Variants in COL11A1 observed in about 807,000 individuals in gnomAD.
COL11A1 encodes the protein collagen type XI alpha 1 chain.
A neutral mutation model predicts 265.2 loss-of-function variants in COL11A1; 74 were observed. The observed-to-expected ratio is 0.28, with a 90% CI of 0.23 to 0.34. The LOEUF (loss-of-function observed/expected upper bound fraction) is 0.34. Ranked by LOEUF, COL11A1 falls within the 10% of genes least tolerant of loss-of-function variation. The pLI is 1.00. For missense variants in COL11A1, 2,165 were observed against 2,263.6 expected (o/e 0.96, Z 0.88); for synonymous variants, 816 against 727.6 (o/e 1.12, Z -1.96).
chr1:102,945,938 C>A (rs1447229815), intron 42 of COL11A1, among the ~76,000 whole-genome samples: 1 of 149,562 alleles, frequency 6.7e-6, no homozygotes, highest in Non-Finnish European at 1.5e-5. Context: ...AAATGTCCAA[C>A]AATGATAGAC....
intron 47 of COL11A1, among the ~76,000 whole-genome samples, chr1:102,922,975 T>C (rs981724547): frequency 5.9e-5 from 9 of 152,214 alleles, no homozygotes; most frequent in Non-Finnish European, 8.8e-5. Flanking sequence ...TAAACAATTA[T>C]ATGCATTTCA....
At position 103,002,455 on chromosome 1, in the gene COL11A1, T is replaced by C. The variant is rs767365383; in HGVS notation, c.2070A>G (p.Pro690=). The C allele has an allele frequency of 6.2e-7, 1 of 1,610,132 alleles. No individual in the cohort carries two copies. Among genetic ancestry groups the C allele is most frequent in the African/African-American group, 1.3e-5 (1 of 74,964 alleles). ...GAGGTCCTGGATTCCCTTGTTGACC[T>C]GGAGGCCCAGGCTCCCCTTGGGGAC... ...NMGPQGEPGP[P]GQQGNPGPQG... is the part of the protein sequence containing the mutation. The change falls in exon 23 of 67, where the codon CCA becomes CCG. Residue 690 remains proline, a synonymous_variant. Coordinates refer to ENST00000370096, the MANE Select transcript of COL11A1 (RefSeq NM_001854.4).
rs190625412 is a variant in COL11A1 at position 102,913,619 on chromosome 1, A to T, written c.4032+18T>A. ...AGACTATGTAAAAACTTAAAAATAAATTAGTGCATTTACTCACCGGTTGAC... is the reference window on the plus strand; with the variant it reads ...AGACTATGTAAAAACTTAAAAATAATTTAGTGCATTTACTCACCGGTTGAC... On this transcript the variant is annotated intron_variant, in intron 53 of 66. Transcript: ENST00000370096. The T allele has an allele frequency of 6.2e-7, 1 of 1,610,536 alleles. No homozygotes were observed. Among genetic ancestry groups the T allele is most frequent in the Admixed American group, 1.7e-5 (1 of 59,982 alleles).
At chr1:102,969,074 A>T (rs1381288011) in intron 37 of COL11A1, among the ~76,000 whole-genome samples, 1 of 152,080 alleles carries the variant, frequency 6.6e-6, no homozygotes, top group African/African-American at 2.4e-5. Flanking sequence ...TCTGCTCCTC[A>T]TACAGATATC....
intron 58 of COL11A1, 56 bp downstream of exon 58, chr1:102,890,395 G>C: frequency 1.4e-6 from 2 of 1,410,490 alleles, no homozygotes; most frequent in Non-Finnish European, 1.9e-6. Context: ...CAAAAGCAGG[G>C]CTATTAGTAT....
At chr1:102,902,813 T>G (rs1653386771) in intron 54 of COL11A1, among the ~76,000 whole-genome samples, 1 of 150,914 alleles carries the variant, frequency 6.6e-6, no homozygotes. Flanking sequence ...ATAATAATAC[T>G]TTATATGTGT....
chr1:103,014,927 T>C (rs1016282012), intron 12 of COL11A1, among the ~76,000 whole-genome samples: 2 of 152,128 alleles, frequency 1.3e-5, no homozygotes, highest in Non-Finnish European at 2.9e-5. Flanking sequence ...TTCATTTGTA[T>C]AAAATTCCAA....
Position 102,987,751 on chromosome 1 carries a change from G to A in COL11A1, c.2395-11C>T. The A allele has an allele frequency of 6.3e-7, 1 of 1,591,872 alleles. No homozygotes were observed. The highest frequency in any genetic ancestry group is 1.3e-5 in the African/African-American group (1 of 74,524). Reference sequence around the variant, plus strand: ...TTGACCAACTTCTCCCTGAGGCACAGAATAACAACATTCTTATGAGTGAAA... The same window carrying A: ...TTGACCAACTTCTCCCTGAGGCACAAAATAACAACATTCTTATGAGTGAAA... On this transcript the variant is annotated splice_polypyrimidine_tract_variant and intron_variant, in intron 29 of 66. Transcript: ENST00000370096.
chr1:102,997,964 C>G (rs185707757), intron 25 of COL11A1, among the ~76,000 whole-genome samples: 223 of 151,654 alleles, frequency 1.5e-3, no homozygotes, highest in African/African-American at 4.6e-3. Flanking sequence ...GAGGAAACAG[C>G]TTGGGAAAGG....
intron 1 of COL11A1, among the ~76,000 whole-genome samples, chr1:103,087,291 G>T (rs974738031): frequency 6.6e-6 from 1 of 152,088 alleles, no homozygotes; most frequent in Non-Finnish European, 1.5e-5. Context: ...TTATTAAACG[G>T]GAGAATAGAA....
chr1:102,897,975 T>C (rs1367843704), intron 57 of COL11A1, 150 bp downstream of exon 57: 1 of 354,720 alleles, frequency 2.8e-6, no homozygotes, highest in Middle Eastern at 9.1e-4. Flanking sequence ...CAGTTAGGAT[T>C]ACTTTCCTCT....
intron 3 of COL11A1, among the ~76,000 whole-genome samples, chr1:103,075,839 C>T (rs1671932793): frequency 6.6e-6 from 1 of 152,032 alleles, no homozygotes; most frequent in African/African-American, 2.4e-5. Flanking sequence ...TCCATATACA[C>T]TTAATCTTTG....
At chr1:102,982,594 C>T (rs1570938548) in intron 31 of COL11A1, among the ~76,000 whole-genome samples, 2 of 152,128 alleles carry the variant, frequency 1.3e-5, no homozygotes, top group South Asian at 4.1e-4. Context: ...GTCCTGAGTA[C>T]AGCCAGAAAA....
At chr1:102,968,644 A>G (rs1661663723) in intron 37 of COL11A1, among the ~76,000 whole-genome samples, 1 of 152,228 alleles carries the variant, frequency 6.6e-6, no homozygotes, top group Non-Finnish European at 1.5e-5. Flanking sequence ...GGGTCAGCAG[A>G]GAACAAAGTG....
intron 7 of COL11A1, among the ~76,000 whole-genome samples, chr1:103,023,370 CTT>C (rs112800509): frequency 2.8e-5 from 4 of 142,968 alleles, no homozygotes; most frequent in East Asian, 2.0e-4. Context: ...TTTTTTCTTT[CTT>C]TTTTTTTTTT....
intron 4 of COL11A1, among the ~76,000 whole-genome samples, chr1:103,045,322 T>G (rs1669158408): frequency 6.6e-6 from 1 of 152,178 alleles, no homozygotes; most frequent in Non-Finnish European, 1.5e-5. Flanking sequence ...TTTGGCCAGG[T>G]GCTACTTGAA....
At chr1:103,028,895 T>TA (rs753248200) in intron 5 of COL11A1, among the ~76,000 whole-genome samples, 2 of 152,162 alleles carry the variant, frequency 1.3e-5, no homozygotes, top group Non-Finnish European at 2.9e-5. Context: ...TCTAATTTTT[T>TA]ATAAGATAGG....
intron 35 of COL11A1, among the ~76,000 whole-genome samples, chr1:102,975,086 A>T (rs953882700): frequency 6.6e-6 from 1 of 152,164 alleles, no homozygotes; most frequent in Admixed American, 6.6e-5. Flanking sequence ...TCTACTCAAA[A>T]CTACACATCA....
intron 41 of COL11A1, chr1:102,961,601 A>T: frequency 2.6e-6 from 1 of 385,874 alleles, no homozygotes; most frequent in South Asian, 2.9e-5. Flanking sequence ...CATAATGAGG[A>T]TTTATTTCCT....
Sources: allele counts gnomAD v4.1 joint callset (sites outside exome capture counted in the v4.1 genomes callset), GRCh38; gene constraint gnomAD v4.1.1; transcripts MANE v1.5; gene names NCBI Gene and HGNC (gene_info 2026-07-23, HGNC 2026-07-21).